COMMD1: variants seen among roughly 807,000 people sequenced by gnomAD.
COMMD1 encodes the protein copper metabolism domain containing 1.
Under a neutral mutation model 17.2 loss-of-function variants are expected in COMMD1, and 10 were observed. The ratio of observed to expected loss-of-function variants is 0.58; its 90% CI spans 0.36 to 0.99. The LOEUF is 0.99. Among genes scored for constraint, COMMD1 ranks in the 50% least tolerant of loss-of-function variants. The pLI is 0.01. For missense variants in COMMD1, 270 were observed against 231.8 expected (o/e 1.17, Z -1.07); for synonymous variants, 97 against 91.6 (o/e 1.06, Z -0.34).
chr2:61,916,682 C>T (rs1246364973), intron 1 of COMMD1, among the ~76,000 whole-genome samples: 2 of 151,528 alleles, frequency 1.3e-5, no homozygotes, highest in African/African-American at 4.9e-5. Flanking sequence ...CCACCTCGGC[C>T]TCCCAAAGTG....
At chr2:62,094,335 AG>A (rs1242693408) in intron 2 of COMMD1, among the ~76,000 whole-genome samples, 1 of 152,164 alleles carries the variant, frequency 6.6e-6, no homozygotes, top group African/African-American at 2.4e-5. Context: ...AGACGGTCAG[AG>A]GGGACCCTAG....
At chr2:62,114,487 A>G (rs1672534788) in intron 2 of COMMD1, among the ~76,000 whole-genome samples, 1 of 152,218 alleles carries the variant, frequency 6.6e-6, no homozygotes, top group Non-Finnish European at 1.5e-5. Context: ...TTTGAATATT[A>G]AAATTATCTC....
At chr2:61,915,895 C>T in intron 1 of COMMD1, 1 of 241,586 alleles carries the variant, frequency 4.1e-6, no homozygotes, top group South Asian at 4.4e-5. Context: ...TGGTTTTCAA[C>T]TCCTGGGCTC....
chr2:61,998,822 T>C (rs923155353), intron 1 of COMMD1, among the ~76,000 whole-genome samples: 4 of 152,158 alleles, frequency 2.6e-5, no homozygotes, highest in Non-Finnish European at 5.9e-5. Flanking sequence ...TCTCAGGTCA[T>C]AGGGAGGCCT....
At chr2:62,033,346 T>G (rs1202379459) in intron 2 of COMMD1, among the ~76,000 whole-genome samples, 1 of 152,246 alleles carries the variant, frequency 6.6e-6, no homozygotes, top group African/African-American at 2.4e-5. Flanking sequence ...ATGCTTTTAC[T>G]TACCTTTCTC....
rs570813980 is a variant in COMMD1, at chr2:62,083,781, A to G, written c.463-52050A>G. 1.0e-3 allele frequency among the ~76,000 whole-genome samples: 152 copies of G among 152,374 alleles called. 1 individual carries two copies. The highest frequency in any genetic ancestry group is 3.6e-3 in the African/African-American group (149 of 41,594). ...ATTTTTAGAGGATAGAGATTTATGG[A>G]TGATACTCAAGTGTATAGTATAAGG... On this transcript the variant is annotated intron_variant, in intron 2 of 2. Transcript: ENST00000311832.
At chr2:62,003,242 A>C (rs942637160) in intron 2 of COMMD1, among the ~76,000 whole-genome samples, 2 of 150,620 alleles carry the variant, frequency 1.3e-5, no homozygotes, top group African/African-American at 4.9e-5. Context: ...AAAAAAAAAA[A>C]CAAAACAAAA....
intron 2 of COMMD1, among the ~76,000 whole-genome samples, chr2:62,131,896 A>T (rs1164201020): frequency 8.0e-6 from 1 of 124,778 alleles, no homozygotes; most frequent in African/African-American, 3.0e-5. Context: ...ACACACACAC[A>T]TTTTTTTTTT....
In COMMD1 at chr2:62,059,292, C is replaced by A. The variant is rs539963795; in HGVS notation, c.462+58310C>A. 1.7e-3 allele frequency among the ~76,000 whole-genome samples: 253 copies of A among 151,856 alleles called. 2 individuals carry two copies. Among genetic ancestry groups the A allele is most frequent in the African/African-American group, 4.9e-3 (202 of 41,396 alleles). On this transcript the variant is annotated intron_variant, in intron 2 of 2. Coordinates refer to ENST00000311832, the MANE Select transcript of COMMD1 (RefSeq NM_152516.4). ...ACCTCAGCCTCCCTAGTAGCTGGGA[C>A]CACAAGTGCAAGCCATGGCACCTGG...
rs113911585 is a variant in COMMD1, at chr2:62,071,099, T to C, written c.463-64732T>C. On this transcript the variant is annotated intron_variant, in intron 2 of 2. Transcript: ENST00000311832. ...GCAGAGCAGAGGCATGGGCTGCTTA[T>C]TCTTATTGTTACTTCTTGATTATAT... Among the ~76,000 whole-genome samples, 1,120 of 152,298 alleles carry C rather than the reference T, an allele frequency of 7.4e-3. 16 individuals are homozygous for C. The highest frequency in any genetic ancestry group is 0.025 in the African/African-American group (1,035 of 41,556).
intron 2 of COMMD1, 176 bp downstream of exon 2, chr2:62,001,158 G>A (rs947096510): frequency 4.6e-6 from 3 of 653,820 alleles, no homozygotes; most frequent in Non-Finnish European, 7.9e-6. Flanking sequence ...TGTGGACAGA[G>A]TCTGGAAACT....
intron 2 of COMMD1, among the ~76,000 whole-genome samples, chr2:62,122,778 C>A (rs964318838): frequency 7.2e-5 from 11 of 152,202 alleles, no homozygotes; most frequent in African/African-American, 2.7e-4. Context: ...CAAGAAATCT[C>A]AAACCAAAAG....
chr2:61,910,394 C>T (rs536501602), intron 1 of COMMD1, among the ~76,000 whole-genome samples: 19 of 151,854 alleles, frequency 1.3e-4, no homozygotes, highest in African/African-American at 4.6e-4. Flanking sequence ...ATTACAGACA[C>T]CCGCCACCAC....
At chr2:61,951,176 T>C (rs1323571319) in intron 1 of COMMD1, among the ~76,000 whole-genome samples, 1 of 152,052 alleles carries the variant, frequency 6.6e-6, no homozygotes, top group Non-Finnish European at 1.5e-5. Flanking sequence ...TAATATGTCT[T>C]TCTGCGGCTG....
At chr2:61,968,295 G>A (rs767339740) in intron 1 of COMMD1, among the ~76,000 whole-genome samples, 4 of 152,176 alleles carry the variant, frequency 2.6e-5, no homozygotes, top group Non-Finnish European at 5.9e-5. Flanking sequence ...GAATACTGTT[G>A]TATTTATATG....
intron 1 of COMMD1, among the ~76,000 whole-genome samples, chr2:61,959,184 T>C (rs539915759): frequency 1.9e-4 from 29 of 152,342 alleles, no homozygotes; most frequent in African/African-American, 7.0e-4. Flanking sequence ...CATTCTCTCA[T>C]GTGAATTGTC....
At position 61,971,914 on chromosome 2, in the gene COMMD1, A is replaced by G. The variant is rs1573016488; in HGVS notation, c.181-28787A>G. ...GCAGGGAGGATTGCTTGAGTCCAGG[A>G]GTTCGAGACCAGCCTTGGCAATATA... On this transcript the variant is annotated intron_variant, in intron 1 of 2. Transcript: ENST00000311832. Among the ~76,000 whole-genome samples, 6 of 152,232 alleles carry G rather than the reference A, an allele frequency of 3.9e-5. No homozygotes were observed. In the South Asian group the frequency reaches 1.2e-3, roughly 32 times the overall value.
chr2:61,969,693 C>A (rs1183964314), intron 1 of COMMD1, among the ~76,000 whole-genome samples: 1 of 152,100 alleles, frequency 6.6e-6, no homozygotes, highest in Non-Finnish European at 1.5e-5. Flanking sequence ...AGTTCACTTA[C>A]TTGATGGAAA....
In COMMD1 at chr2:62,094,376, T is replaced by TG. The variant is rs577955633; in HGVS notation, c.463-41453dup. 3.9e-3 allele frequency among the ~76,000 whole-genome samples: 587 copies of TG among 152,318 alleles called. 3 individuals carry two copies. The highest frequency in any genetic ancestry group is 5.7e-3 in the Non-Finnish European group (391 of 68,018). ...AATTCTTTGATGTTTTTGCATAAGG[T>TG]GGCTGCAGCCAGTATAGCCCTCAGT... is the stretch of plus-strand genomic sequence containing the variant. On this transcript the variant is annotated intron_variant, in intron 2 of 2. Transcript: ENST00000311832.
Sources: allele counts gnomAD v4.1 joint callset (sites outside exome capture counted in the v4.1 genomes callset), GRCh38; gene constraint gnomAD v4.1.1; transcripts MANE v1.5; gene names NCBI Gene and HGNC (gene_info 2026-07-23, HGNC 2026-07-21).